Variants in GRIP1 observed in about 807,000 individuals in gnomAD.
GRIP1 encodes the protein glutamate receptor-interacting protein 1.
A neutral mutation model predicts 129.9 loss-of-function variants in GRIP1; 45 were observed. The ratio of observed to expected loss-of-function variants is 0.35; its 90% CI spans 0.27 to 0.44. GRIP1 has a LOEUF of 0.44. Among genes scored for constraint, GRIP1 ranks in the 20% least tolerant of loss-of-function variants. The probability of loss-of-function intolerance (pLI) is 1.00; values close to 1 mark genes in which losing one functional copy is unlikely to be tolerated. For synonymous variants in GRIP1, 530 were observed against 520.8 expected (o/e 1.02, Z -0.24); for missense variants, 1,196 against 1,396.8 (o/e 0.86, Z 2.29).
intron 1 of GRIP1, among the ~76,000 whole-genome samples, chr12:66,827,841 TTAAAAA>T (rs2039446581): frequency 1.3e-5 from 2 of 152,324 alleles, no homozygotes; most frequent in East Asian, 1.9e-4. Context: ...TAATTCAAAC[TTAAAAA>T]TAAATTCTTT....
chr12:66,966,259 A>G (rs1356982077), intron 1 of GRIP1, among the ~76,000 whole-genome samples: 1 of 152,206 alleles, frequency 6.6e-6, no homozygotes, highest in Non-Finnish European at 1.5e-5. Context: ...CTACAAATGA[A>G]CACATGAGTA....
intron 24 of GRIP1, 146 bp downstream of exon 24, chr12:66,353,271 G>A: frequency 1.4e-6 from 1 of 726,426 alleles, no homozygotes; most frequent in Non-Finnish European, 2.5e-6. Flanking sequence ...TCTTTATTCA[G>A]CTGTTTGCTT....
At chr12:66,848,341 A>C (rs1178948530) in intron 1 of GRIP1, among the ~76,000 whole-genome samples, 2 of 152,100 alleles carry the variant, frequency 1.3e-5, no homozygotes, top group East Asian at 1.9e-4. Flanking sequence ...CTTCAACAAG[A>C]AGTTACTGCA....
chr12:66,465,551 C>T (rs1334089790), intron 7 of GRIP1, 129 bp from the exon 8 acceptor site: 3 of 760,754 alleles, frequency 3.9e-6, no homozygotes, highest in African/African-American at 1.7e-5. Context: ...AGATTTCCCT[C>T]CATATAATAT....
At chr12:66,529,444 T>C (rs1299450901) in intron 5 of GRIP1, among the ~76,000 whole-genome samples, 1 of 152,146 alleles carries the variant, frequency 6.6e-6, no homozygotes, top group East Asian at 1.9e-4. Flanking sequence ...TACAATAGAA[T>C]ACTACTCAGC....
At chr12:66,517,274 C>T (rs556210513) in intron 6 of GRIP1, among the ~76,000 whole-genome samples, 5 of 152,082 alleles carry the variant, frequency 3.3e-5, no homozygotes, top group Admixed American at 6.6e-5. Context: ...TGAGTTTACT[C>T]GGGGCCCTAA....
intron 1 of GRIP1, among the ~76,000 whole-genome samples, chr12:66,653,456 C>T (rs908600881): frequency 6.6e-6 from 1 of 152,178 alleles, no homozygotes; most frequent in Non-Finnish European, 1.5e-5. Flanking sequence ...AGTGAACAAT[C>T]TCACACCTCT....
intron 15 of GRIP1, among the ~76,000 whole-genome samples, chr12:66,407,829 T>C (rs1036629514): frequency 2.0e-5 from 3 of 152,160 alleles, no homozygotes; most frequent in South Asian, 2.1e-4. Context: ...GCCAGTAGAC[T>C]TGGGGGGCAT....
chr12:67,045,309 C>A (rs996899356), intron 1 of GRIP1, among the ~76,000 whole-genome samples: 14 of 152,114 alleles, frequency 9.2e-5, no homozygotes, highest in African/African-American at 3.4e-4. Flanking sequence ...GACACAGAGA[C>A]AGAGAGAAAT....
chr12:67,003,867 A>C (rs923959979), intron 1 of GRIP1, among the ~76,000 whole-genome samples: 1 of 152,210 alleles, frequency 6.6e-6, no homozygotes, highest in Non-Finnish European at 1.5e-5. Flanking sequence ...GGTGGCTTAA[A>C]ACAACTTTAT....
chr12:66,919,031 C>A (rs1372950008), intron 1 of GRIP1, among the ~76,000 whole-genome samples: 1 of 152,136 alleles, frequency 6.6e-6, no homozygotes, highest in African/African-American at 2.4e-5. Flanking sequence ...GAGCTTCAGT[C>A]CCACAAAGGG....
At chr12:66,977,586 C>T (rs964582567) in intron 1 of GRIP1, among the ~76,000 whole-genome samples, 2 of 152,044 alleles carry the variant, frequency 1.3e-5, no homozygotes, top group African/African-American at 4.8e-5. Flanking sequence ...CCCTGAGGTA[C>T]ACCACAATTC....
rs370300223 is a variant in GRIP1 at position 66,617,085 on chromosome 12, T to TGTGTGTGTGTGTGTGTG, written c.56-20159_56-20158insCACACACACACACACAC. Among the ~76,000 whole-genome samples, 48 of 135,522 alleles carry TGTGTGTGTGTGTGTGTG rather than the reference T, an allele frequency of 3.5e-4. 1 individual carries two copies. Among genetic ancestry groups the TGTGTGTGTGTGTGTGTG allele is most frequent in the Middle Eastern group, 3.7e-3 (1 of 270 alleles). The allele number at this position is 135,522 out of a possible 152,430, so 88.9% of individuals were successfully genotyped here. A position where few individuals can be genotyped will look rare whatever the true frequency, so the allele number is the denominator to read the frequency against. The stretch of plus-strand genomic sequence containing the variant: ...AGCAACTTGACAAGCAACAGACGTT[T>TGTGTGTGTGTGTGTGTG]TGTGTGTGTGTGTGTGTGTGTGTGT... On this transcript the variant is annotated intron_variant, in intron 1 of 24. Transcript: ENST00000359742.
At chr12:66,479,320 A>G (rs2059728872) in intron 7 of GRIP1, among the ~76,000 whole-genome samples, 1 of 152,228 alleles carries the variant, frequency 6.6e-6, no homozygotes, top group Non-Finnish European at 1.5e-5. Flanking sequence ...AAAATCTAGA[A>G]GAAATGGATA....
chr12:66,534,303 C>T (rs1194324012), intron 4 of GRIP1, among the ~76,000 whole-genome samples: 1 of 152,148 alleles, frequency 6.6e-6, no homozygotes, highest in Non-Finnish European at 1.5e-5. Flanking sequence ...TAGGTTTTAA[C>T]TCCTAAACAT....
chr12:66,591,866 C>G (rs1379209364), intron 2 of GRIP1, among the ~76,000 whole-genome samples: 1 of 152,074 alleles, frequency 6.6e-6, no homozygotes, highest in Non-Finnish European at 1.5e-5. Flanking sequence ...CTGAAGAGAT[C>G]TGCCCGCCTT....
intron 7 of GRIP1, among the ~76,000 whole-genome samples, chr12:66,488,569 G>A (rs1381412974): frequency 6.6e-6 from 1 of 152,014 alleles, no homozygotes; most frequent in East Asian, 1.9e-4. Context: ...AAGAACTAGA[G>A]AACCAAGAAC....
At chr12:66,556,648 A>G (rs2062343530) in intron 2 of GRIP1, among the ~76,000 whole-genome samples, 2 of 152,116 alleles carry the variant, frequency 1.3e-5, no homozygotes, top group African/African-American at 4.8e-5. Context: ...CATTAAAAAA[A>G]AAACAACAAC....
intron 14 of GRIP1, 49 bp downstream of exon 14, chr12:66,432,499 G>T: frequency 8.8e-7 from 1 of 1,132,456 alleles, no homozygotes; most frequent in Non-Finnish European, 1.3e-6. Flanking sequence ...TGACAACACA[G>T]TTTTCTAATG....
Sources: allele counts gnomAD v4.1 joint callset (sites outside exome capture counted in the v4.1 genomes callset), GRCh38; gene constraint gnomAD v4.1.1; transcripts MANE v1.5; gene names NCBI Gene and HGNC (gene_info 2026-07-23, HGNC 2026-07-21).